LHFPL3: variants seen among roughly 807,000 people sequenced by gnomAD.
LHFPL3 encodes LHFPL tetraspan subfamily member 3 protein.
A neutral mutation model predicts 19.3 loss-of-function variants in LHFPL3; 5 were observed. The ratio of observed to expected loss-of-function variants is 0.26; its 90% confidence interval spans 0.14 to 0.54. The LOEUF (loss-of-function observed/expected upper bound fraction) is 0.54, where lower values mean the gene tolerates loss of function less well. LHFPL3 is among the 20% of genes least tolerant of loss of function. The pLI is 0.94. For synonymous variants in LHFPL3, 133 were observed against 126.2 expected (o/e 1.05, Z -0.36); for missense variants, 249 against 307.4 (o/e 0.81, Z 1.42).
chr7:104,397,907 T>G (rs372060182), intron 1 of LHFPL3, among the ~76,000 whole-genome samples: 1 of 152,184 alleles, frequency 6.6e-6, no homozygotes, highest in African/African-American at 2.4e-5. Context: ...ATAGTTTACC[T>G]TGAGTTTCAT....
rs183483461 is a variant in LHFPL3 at position 104,635,227 on chromosome 7, G to C, written c.446-101448G>C. On this transcript the variant is annotated intron_variant, in intron 1 of 2. Coordinates refer to ENST00000424859, the MANE Select transcript of LHFPL3 (RefSeq NM_199000.3). ...CAGAATTCCCAACATCCAACTAATAGGAATTATAGAAAAAAAGAACTTAAA... is the reference window on the plus strand; with the variant it reads ...CAGAATTCCCAACATCCAACTAATACGAATTATAGAAAAAAAGAACTTAAA... 8.6e-5 allele frequency among the ~76,000 whole-genome samples: 13 copies of C among 151,762 alleles called. No homozygotes were observed. The East Asian group carries it at 1.7e-3, about 20-fold the overall frequency.
chr7:104,433,936 T>C (rs565496979), intron 1 of LHFPL3, among the ~76,000 whole-genome samples: 4 of 152,352 alleles, frequency 2.6e-5, no homozygotes, highest in South Asian at 2.1e-4. Context: ...TGGATAAAAA[T>C]ACATGCATAT....
At chr7:104,804,110 C>T (rs1006209094) in intron 2 of LHFPL3, 7 of 152,194 alleles carry the variant, frequency 4.6e-5, no homozygotes, top group African/African-American at 1.4e-4. Flanking sequence ...AGTTTTAAGT[C>T]AACCTGAAAA....
intron 1 of LHFPL3, among the ~76,000 whole-genome samples, chr7:104,598,655 A>G (rs1443856732): frequency 6.6e-6 from 1 of 152,198 alleles, no homozygotes; most frequent in Non-Finnish European, 1.5e-5. Flanking sequence ...TAGCAGAAAA[A>G]CACCAGAGAA....
At chr7:104,896,424 A>C (rs958159651) in intron 2 of LHFPL3, among the ~76,000 whole-genome samples, 1 of 152,184 alleles carries the variant, frequency 6.6e-6, no homozygotes, top group Non-Finnish European at 1.5e-5. Context: ...TGGCCCTTGC[A>C]CTTGAGGAGC....
At chr7:104,344,555 GC>G (rs1228193746) in intron 1 of LHFPL3, among the ~76,000 whole-genome samples, 3 of 152,138 alleles carry the variant, frequency 2.0e-5, no homozygotes, top group African/African-American at 7.2e-5. Flanking sequence ...TAGAGTAATG[GC>G]CTCTAGCTTC....
chr7:104,775,617 A>G (rs982258744), intron 2 of LHFPL3, among the ~76,000 whole-genome samples: 19 of 152,300 alleles, frequency 1.2e-4, no homozygotes, highest in Non-Finnish European at 2.4e-4. Flanking sequence ...AGGAGCTTAA[A>G]AATACCCTCT....
chr7:104,399,192 T>A lies in LHFPL3; in HGVS notation c.445+69968T>A, dbSNP rs1211088283. On this transcript the variant is annotated intron_variant, in intron 1 of 2. Coordinates refer to ENST00000424859, the MANE Select transcript of LHFPL3 (RefSeq NM_199000.3). This position sits in a 1 kb window ranked among gnomAD's most constrained non-coding sequence, Gnocchi z 4.4. ...CTGCCCCAGGAGCTGCCACCCCTGATGTCCTCTTACTTCCCTTGATATCGT... is the reference window on the plus strand; with the variant it reads ...CTGCCCCAGGAGCTGCCACCCCTGAAGTCCTCTTACTTCCCTTGATATCGT... 6.6e-6 allele frequency among the ~76,000 whole-genome samples: 1 copy of A among 152,144 alleles called. No homozygotes were observed. The highest frequency in any genetic ancestry group is 6.5e-5 in the Admixed American group (1 of 15,282).
intron 1 of LHFPL3, among the ~76,000 whole-genome samples, chr7:104,603,630 G>A (rs1246319053): frequency 6.6e-6 from 1 of 152,128 alleles, no homozygotes; most frequent in Non-Finnish European, 1.5e-5. Flanking sequence ...GTGAATCTGT[G>A]AAATCAAAAC....
intron 1 of LHFPL3, among the ~76,000 whole-genome samples, chr7:104,532,549 G>GC (rs1293987724): frequency 2.0e-5 from 3 of 151,702 alleles, no homozygotes; most frequent in Non-Finnish European, 2.9e-5. Context: ...TTCTCCCTCT[G>GC]ACCCTGGGGA....
intron 1 of LHFPL3, among the ~76,000 whole-genome samples, chr7:104,354,607 A>G (rs1305641168): frequency 2.6e-5 from 4 of 152,096 alleles, no homozygotes; most frequent in Admixed American, 6.6e-5. Context: ...TTTAATTTAC[A>G]TTTCTCTAAA....
chr7:104,579,861 T>G (rs376841633), intron 1 of LHFPL3, among the ~76,000 whole-genome samples: 6 of 152,186 alleles, frequency 3.9e-5, no homozygotes, highest in African/African-American at 1.4e-4. Flanking sequence ...TGGAGCTGAC[T>G]GCATATCTAA....
At chr7:104,877,129 G>C (rs1420124195) in intron 2 of LHFPL3, among the ~76,000 whole-genome samples, 1 of 152,128 alleles carries the variant, frequency 6.6e-6, no homozygotes, top group Non-Finnish European at 1.5e-5. Flanking sequence ...CCTGTTGTGG[G>C]GTCAGGGGAG....
intron 1 of LHFPL3, among the ~76,000 whole-genome samples, chr7:104,461,787 G>T (rs1322019344): frequency 6.6e-6 from 1 of 152,132 alleles, no homozygotes; most frequent in Non-Finnish European, 1.5e-5. Flanking sequence ...GTTCTGTGAA[G>T]AATGTCATTG....
intron 1 of LHFPL3, among the ~76,000 whole-genome samples, chr7:104,597,095 A>G (rs762970463): frequency 1.3e-5 from 2 of 152,220 alleles, no homozygotes; most frequent in Non-Finnish European, 2.9e-5. Flanking sequence ...TGTTTCTGTC[A>G]TGTAGCTATA....
intron 2 of LHFPL3, among the ~76,000 whole-genome samples, chr7:104,891,706 GT>G (rs1269177864): frequency 2.0e-5 from 3 of 152,206 alleles, no homozygotes; most frequent in Non-Finnish European, 4.4e-5. Flanking sequence ...TGTTCTATCT[GT>G]GGAAGAAGAA....
intron 1 of LHFPL3, among the ~76,000 whole-genome samples, chr7:104,643,689 G>A (rs1791878549): frequency 6.6e-6 from 1 of 152,112 alleles, no homozygotes; most frequent in South Asian, 2.1e-4. Flanking sequence ...ATGCAGCCTG[G>A]GCTTTTTAAA....
intron 1 of LHFPL3, among the ~76,000 whole-genome samples, chr7:104,551,752 A>G (rs1195253888): frequency 6.6e-6 from 1 of 152,210 alleles, no homozygotes; most frequent in Non-Finnish European, 1.5e-5. Flanking sequence ...ATTCTTAGAA[A>G]TAAGAATAGA....
chr7:104,739,944 T>A (rs903208968), intron 2 of LHFPL3, among the ~76,000 whole-genome samples: 2 of 152,204 alleles, frequency 1.3e-5, no homozygotes, highest in South Asian at 4.1e-4. Context: ...TGAAATCTCA[T>A]CTTAAATTGT....
Sources: allele counts gnomAD v4.1 joint callset (sites outside exome capture counted in the v4.1 genomes callset), GRCh38; gene constraint gnomAD v4.1.1; non-coding constraint Gnocchi (gnomAD v3.1); transcripts MANE v1.5; gene names NCBI Gene and HGNC (gene_info 2026-07-23, HGNC 2026-07-21).